The following BANK1 variants were observed in gnomAD, a reference collection of about 807,000 sequenced individuals.
BANK1 encodes B cell scaffold protein with ankyrin repeats 1.
BANK1 carries 95 observed loss-of-function variants against 94.5 expected under a neutral mutation model. That is an observed-to-expected ratio of 1.00 (90% CI 0.85 to 1.19). BANK1 has a LOEUF of 1.19. BANK1 is among the 50% of genes most tolerant of loss of function. The pLI is 0.00. For missense variants in BANK1, 987 were observed against 932.2 expected (o/e 1.06, Z -0.77); for synonymous variants, 334 against 308.4 (o/e 1.08, Z -0.87).
intron 11 of BANK1, among the ~76,000 whole-genome samples, chr4:102,044,420 C>A (rs1440036704): frequency 2.6e-5 from 4 of 152,018 alleles, no homozygotes; most frequent in Non-Finnish European, 5.9e-5. Context: ...TTTTCTTAAT[C>A]CAGTCTATCA....
At chr4:101,842,806 A>T (rs1176555089) in intron 2 of BANK1, among the ~76,000 whole-genome samples, 1 of 152,202 alleles carries the variant, frequency 6.6e-6, no homozygotes, top group Admixed American at 6.5e-5. Flanking sequence ...CCCTTTCCTC[A>T]TCACCTATAT....
chr4:101,846,930 A>C (rs938514122), intron 2 of BANK1, among the ~76,000 whole-genome samples: 5 of 152,124 alleles, frequency 3.3e-5, no homozygotes, highest in Non-Finnish European at 5.9e-5. Context: ...TGAAGAGTTC[A>C]TTTATTGCTC....
At chr4:101,908,907 A>G (rs1722560803) in intron 6 of BANK1, among the ~76,000 whole-genome samples, 1 of 152,214 alleles carries the variant, frequency 6.6e-6, no homozygotes, top group South Asian at 2.1e-4. Flanking sequence ...TCAGGAAACA[A>G]CAGGTGCTGG....
chr4:101,926,961 ATAAG>A (rs1723175051), intron 7 of BANK1, among the ~76,000 whole-genome samples: 1 of 151,770 alleles, frequency 6.6e-6, no homozygotes, highest in Non-Finnish European at 1.5e-5. Flanking sequence ...CATCAGAAAG[ATAAG>A]TAAGGCCGGA....
At position 101,986,883 on chromosome 4, in the gene BANK1, G is replaced by A. The variant is rs1405436401; in HGVS notation, c.1207-34631G>A. On this transcript the variant is annotated intron_variant, in intron 7 of 16. Transcript: ENST00000322953. ...TATATATATGTGTGTATGTGTGTGT[G>A]TGTGTGTGTGTGTGTGTATATATAT... 6.5e-3 allele frequency among the ~76,000 whole-genome samples: 374 copies of A among 57,834 alleles called. 12 individuals carry two copies. Among genetic ancestry groups the A allele is most frequent in the Middle Eastern group, 0.015 (2 of 136 alleles). 37.9% of individuals were successfully genotyped at this position (57,834 alleles called of 152,430 possible). A position where few individuals can be genotyped will look rare whatever the true frequency, so the allele number is the denominator to read the frequency against.
intron 6 of BANK1, among the ~76,000 whole-genome samples, chr4:101,909,553 C>CACAA (rs1553932171): frequency 5.3e-5 from 8 of 151,842 alleles, no homozygotes; most frequent in Non-Finnish European, 8.8e-5. Context: ...CACACACACA[C>CACAA]AAAAAAATGC....
rs78907941 is a variant in BANK1, at chr4:101,875,519, T to G, written c.903+4875T>G. Among the ~76,000 whole-genome samples the G allele has an allele frequency of 4.7e-3, 717 of 152,164 alleles. 13 individuals carry two copies. The East Asian group carries it at 0.058, about 12-fold the overall frequency. On this transcript the variant is annotated intron_variant, in intron 5 of 16. Coordinates refer to ENST00000322953, the MANE Select transcript of BANK1 (RefSeq NM_017935.5). ...GGTGGTTGGGGGGACTGCCACACAT[T>G]TTTAAACCATCAGATCTCATTAGAA...
intron 1 of BANK1, among the ~76,000 whole-genome samples, chr4:101,811,946 A>G (rs879286760): frequency 1.4e-4 from 22 of 152,038 alleles, no homozygotes. Context: ...ATAATCTTTT[A>G]TCTCTTAAAG....
At chr4:101,866,553 A>G (rs1197846510) in intron 4 of BANK1, among the ~76,000 whole-genome samples, 1 of 152,180 alleles carries the variant, frequency 6.6e-6, no homozygotes, top group East Asian at 1.9e-4. Context: ...TTCGAACTGT[A>G]GAAAACTGAA....
chr4:101,835,321 T>C (rs1726781814), intron 2 of BANK1, among the ~76,000 whole-genome samples: 1 of 152,188 alleles, frequency 6.6e-6, no homozygotes, highest in Admixed American at 6.5e-5. Context: ...TGTCCTCCCT[T>C]GTTCTTTGTT....
In BANK1 at chr4:101,830,087, G is replaced by A; in HGVS notation, c.350G>A (p.Gly117Glu). The stretch of plus-strand genomic sequence containing the variant: ...AAAAGTGTAGTTACTTTGCTTTGTG[G>A]AGTGAAGAGTTCAGATCAGCTCTAT... ...SPKSVVTLLC[G>E]VKSSDQLYEL... The change falls in exon 2 of 17, where the codon GGA becomes GAA. Residue 117 changes from glycine to glutamate, a missense_variant. Gly to Glu is a moderately conservative substitution (Grantham distance 98, BLOSUM62 -2). Transcript: ENST00000322953. 6.2e-7 allele frequency: 1 copy of A among 1,613,882 alleles called. No individual in the cohort carries two copies. Among genetic ancestry groups the A allele is most frequent in the Non-Finnish European group, 8.5e-7 (1 of 1,179,904 alleles).
intron 7 of BANK1, among the ~76,000 whole-genome samples, chr4:102,019,986 C>T (rs1165796031): frequency 6.6e-6 from 1 of 152,056 alleles, no homozygotes; most frequent in African/African-American, 2.4e-5. Context: ...CATATGGCTT[C>T]AGTTATGACA....
intron 6 of BANK1, among the ~76,000 whole-genome samples, chr4:101,906,453 A>G (rs1234669953): frequency 6.6e-5 from 10 of 152,176 alleles, no homozygotes; most frequent in African/African-American, 2.2e-4. Context: ...GGCGCTGCTC[A>G]GTCACTGGGG....
At chr4:101,948,240 G>A (rs552252835) in intron 7 of BANK1, among the ~76,000 whole-genome samples, 1 of 152,128 alleles carries the variant, frequency 6.6e-6, no homozygotes, top group East Asian at 1.9e-4. Context: ...TGTGGGGGTG[G>A]CTACCACCAG....
Position 101,830,096 on chromosome 4 carries a change from G to C in BANK1, c.359G>C (p.Ser120Thr), listed in dbSNP as rs1726552061. 6.2e-7 allele frequency: 1 copy of C among 1,613,672 alleles called. No individual in the cohort carries two copies. The highest frequency in any genetic ancestry group is 1.3e-5 in the African/African-American group (1 of 74,898). The change falls in exon 2 of 17, where the codon AGT becomes ACT. Residue 120 changes from serine (S) to threonine (T), a missense_variant. Transcript: ENST00000322953. ...GTTACTTTGCTTTGTGGAGTGAAGA[G>C]TTCAGATCAGCTCTATGAATTACTA... The part of the protein sequence containing the change: ...SVVTLLCGVK[S>T]SDQLYELLNI...
intron 5 of BANK1, among the ~76,000 whole-genome samples, chr4:101,894,923 A>G (rs1722009012): frequency 1.3e-5 from 2 of 151,958 alleles, no homozygotes; most frequent in Non-Finnish European, 2.9e-5. Flanking sequence ...TTATCATTTC[A>G]TTTATTAAAC....
intron 2 of BANK1, among the ~76,000 whole-genome samples, chr4:101,851,946 C>T (rs984178359): frequency 5.9e-5 from 9 of 152,146 alleles, no homozygotes; most frequent in African/African-American, 2.2e-4. Flanking sequence ...TGTCCCAGGA[C>T]CTTCTTCTGC....
intron 10 of BANK1, among the ~76,000 whole-genome samples, chr4:102,041,722 C>T (rs1026710876): frequency 6.6e-6 from 1 of 152,018 alleles, no homozygotes; most frequent in Non-Finnish European, 1.5e-5. Flanking sequence ...TCCCAATATT[C>T]TGCCCTTGTC....
chr4:101,831,828 T>C (rs1726633315), intron 2 of BANK1, among the ~76,000 whole-genome samples: 1 of 152,202 alleles, frequency 6.6e-6, no homozygotes. Flanking sequence ...TTATACATAA[T>C]GGTTATATCA....
Sources: allele counts gnomAD v4.1 joint callset (sites outside exome capture counted in the v4.1 genomes callset), GRCh38; gene constraint gnomAD v4.1.1; transcripts MANE v1.5; gene names NCBI Gene and HGNC (gene_info 2026-07-23, HGNC 2026-07-21).